The following SCARB1 variants were observed in gnomAD, a reference collection of about 807,000 sequenced individuals.
SCARB1 encodes scavenger receptor class B member 1.
SCARB1 carries 30 observed loss-of-function variants against 57.2 expected under a neutral mutation model. The observed-to-expected ratio is 0.52, with a 90% CI of 0.39 to 0.71. The LOEUF (loss-of-function observed/expected upper bound fraction) is 0.71, where lower values mean the gene tolerates loss of function less well. Ranked by LOEUF, SCARB1 falls within the 30% of genes least tolerant of loss-of-function variation. The pLI is 0.00. For synonymous variants in SCARB1, 249 were observed against 268.3 expected (o/e 0.93, Z 0.70); for missense variants, 543 against 671.2 (o/e 0.81, Z 2.11).
Position 124,863,651 on chromosome 12 carries a change from G to T in SCARB1, c.70C>A (p.Leu24Met). 6.3e-7 allele frequency: 1 copy of T among 1,590,156 alleles called. No individual in the cohort carries two copies. ...LGVAGLLCAV[L>M]GAVMIVMVPS... is the part of the protein sequence containing the mutation. ...ACCATCACGATCATGACAGCGCCCA[G>T]CACAGCGCACAGTAGCCCCGCGACG... Residue 24 changes from leucine (L) to methionine (M), a missense_variant, in exon 1 of 13, where the codon CTG (leucine) becomes ATG (methionine). Physicochemically the swap from Leu to Met is conservative, Grantham distance 15. Transcript: ENST00000261693.
Position 124,796,544 on chromosome 12 carries a change from A to G in SCARB1, c.1129-1276T>C, listed in dbSNP as rs1404877008. On this transcript the variant is annotated intron_variant, in intron 8 of 12. Transcript: ENST00000261693. This position sits in a 1 kb window ranked among gnomAD's most constrained non-coding sequence, Gnocchi z 4.0. ...AGAGAACTGCAGTTGGTTCTTCTTA[A>G]CTGAGAGTCGCGTCCTCATCTGTAA... Among the ~76,000 whole-genome samples, 1 of 152,242 alleles carries G rather than the reference A, an allele frequency of 6.6e-6. No homozygotes were observed. The highest frequency in any genetic ancestry group is 1.5e-5 in the Non-Finnish European group (1 of 68,042).
chr12:124,786,313 A>G, intron 11 of SCARB1, 44 bp downstream of exon 11: 1 of 1,610,406 alleles, frequency 6.2e-7, no homozygotes, highest in Non-Finnish European at 8.5e-7. Context: ...CCAGCAGGCA[A>G]GCGAATGGCT....
At chr12:124,823,552 C>T (rs1951022580) in intron 1 of SCARB1, among the ~76,000 whole-genome samples, 1 of 152,188 alleles carries the variant, frequency 6.6e-6, no homozygotes, top group South Asian at 2.1e-4. Flanking sequence ...GGAACAGCCA[C>T]TGTGGAAACC....
chr12:124,844,281 G>A (rs1039172857), intron 1 of SCARB1, among the ~76,000 whole-genome samples: 7 of 152,140 alleles, frequency 4.6e-5, no homozygotes, highest in Non-Finnish European at 8.8e-5. Context: ...ACGAGTTACC[G>A]TGCATGGCAT....
Position 124,815,121 on chromosome 12 carries a change from G to A in SCARB1, c.285-7C>T, listed in dbSNP as rs755670806. The A allele has an allele frequency of 6.2e-7, 1 of 1,613,008 alleles. No homozygotes were observed. Among genetic ancestry groups the A allele is most frequent in the Non-Finnish European group, 8.5e-7 (1 of 1,179,984 alleles). On this transcript the variant is annotated splice_polypyrimidine_tract_variant and splice_region_variant and intron_variant, in intron 2 of 12. Coordinates refer to ENST00000261693, the MANE Select transcript of SCARB1 (RefSeq NM_005505.5). ...GCTTTTGTGCCTGAACTCCCTGTGGGGGAAGCCAGTGGGTCAGACGCCCCG... is the reference window on the plus strand; with the variant it reads ...GCTTTTGTGCCTGAACTCCCTGTGGAGGAAGCCAGTGGGTCAGACGCCCCG...
chr12:124,782,272 C>T (rs1378249744), intron 12 of SCARB1, among the ~76,000 whole-genome samples: 1 of 152,140 alleles, frequency 6.6e-6, no homozygotes, highest in East Asian at 1.9e-4. Flanking sequence ...CATTAGGGTC[C>T]ATTAAAATAC....
chr12:124,850,959 G>A (rs1952375703), intron 1 of SCARB1, among the ~76,000 whole-genome samples: 1 of 152,124 alleles, frequency 6.6e-6, no homozygotes, highest in Non-Finnish European at 1.5e-5. Flanking sequence ...GTCTCTGTGG[G>A]CAAGAACTAC....
At chr12:124,795,063 C>A in intron 9 of SCARB1, 132 bp downstream of exon 9, 2 of 802,742 alleles carry the variant, frequency 2.5e-6, no homozygotes, top group Admixed American at 1.7e-5. Flanking sequence ...CTGGATTCCA[C>A]CCCCAATAGG....
At chr12:124,843,298 G>GC (rs75376985) in intron 1 of SCARB1, among the ~76,000 whole-genome samples, 17 of 123,280 alleles carry the variant, frequency 1.4e-4, no homozygotes, top group African/African-American at 3.7e-4. Flanking sequence ...GATGGGGGGG[G>GC]GGGTCTTACT....
chr12:124,806,656 A>G (rs2135635359), intron 7 of SCARB1, among the ~76,000 whole-genome samples: 1 of 152,298 alleles, frequency 6.6e-6, no homozygotes, highest in East Asian at 1.9e-4. Context: ...TTGCTTTAAC[A>G]CGCAGAGGCA....
intron 9 of SCARB1, among the ~76,000 whole-genome samples, chr12:124,787,717 T>G (rs547199806): frequency 4.6e-5 from 7 of 152,196 alleles, no homozygotes; most frequent in African/African-American, 1.4e-4. Flanking sequence ...GTTTTGTTTT[T>G]TTTTTTCTTT....
chr12:124,804,115 G>C (rs11609859), intron 7 of SCARB1, among the ~76,000 whole-genome samples: 60,743 of 151,654 alleles, frequency 0.4, 12,821 homozygotes, highest in Non-Finnish European at 0.47. Context: ...GCCCACCCAG[G>C]AGCCATCTGA....
chr12:124,791,288 G>A (rs1359425986), intron 9 of SCARB1, among the ~76,000 whole-genome samples: 1 of 152,152 alleles, frequency 6.6e-6, no homozygotes, highest in East Asian at 1.9e-4. Flanking sequence ...ACAACCATAT[G>A]CTTCGTCCTG....
At chr12:124,803,083 G>C (rs538489893) in intron 7 of SCARB1, among the ~76,000 whole-genome samples, 1 of 152,306 alleles carries the variant, frequency 6.6e-6, no homozygotes, top group East Asian at 1.9e-4. Flanking sequence ...ATTGCACCAG[G>C]GTGCTAAGGG....
chr12:124,862,688 G>A (rs982362826), intron 1 of SCARB1, among the ~76,000 whole-genome samples: 1 of 6,048 alleles, frequency 1.7e-4, no homozygotes, highest in African/African-American at 1.8e-4. Context: ...CTGCATGTGT[G>A]GGTTCCCAGG....
chr12:124,831,776 G>A (rs897945950), intron 1 of SCARB1, among the ~76,000 whole-genome samples: 1 of 152,204 alleles, frequency 6.6e-6, no homozygotes, highest in African/African-American at 2.4e-5. Flanking sequence ...GCAGGGACAG[G>A]TCATGTTGAC....
intron 1 of SCARB1, among the ~76,000 whole-genome samples, chr12:124,835,267 T>G (rs1241960380): frequency 6.6e-6 from 1 of 151,686 alleles, no homozygotes; most frequent in Non-Finnish European, 1.5e-5. Context: ...TTTGAATTTT[T>G]TTTTTTTAAG....
intron 7 of SCARB1, among the ~76,000 whole-genome samples, chr12:124,802,149 CA>C (rs10636464): frequency 0.013 from 1,460 of 111,780 alleles, 15 homozygotes; most frequent in African/African-American, 0.034. Context: ...GACTGTGTCT[CA>C]AAAAAAAAAA....
At chr12:124,782,051 G>A (rs931668786) in intron 12 of SCARB1, among the ~76,000 whole-genome samples, 16 of 152,186 alleles carry the variant, frequency 1.1e-4, no homozygotes, top group African/African-American at 3.1e-4. Context: ...GATTACAAGC[G>A]TGTGCCACCA....
Sources: gnomAD v4.1 joint callset for allele counts (sites outside exome capture counted in the v4.1 genomes callset) on GRCh38, gnomAD v4.1.1 for gene constraint, Gnocchi (gnomAD v3.1) non-coding constraint, MANE v1.5 for transcripts, NCBI Gene and HGNC (gene_info 2026-07-23, HGNC 2026-07-21) for gene names.